FOXO3: variants seen among roughly 807,000 people sequenced by gnomAD.
FOXO3 encodes forkhead box O3, also known as forkhead box protein O3.
In FOXO3, 4 loss-of-function variants were observed where a neutral mutation model predicts 41.9. The ratio of observed to expected loss-of-function variants is 0.10; its 90% CI spans 0.05 to 0.22. FOXO3 has a LOEUF of 0.22. Among genes scored for constraint, FOXO3 ranks in the 10% least tolerant of loss-of-function variants. The pLI, the probability that FOXO3 is intolerant of heterozygous loss-of-function variation, is 1.00. For synonymous variants in FOXO3, 318 were observed against 389.3 expected (o/e 0.82, Z 2.16); for missense variants, 534 against 906.8 (o/e 0.59, Z 5.28).
intron 1 of FOXO3, among the ~76,000 whole-genome samples, chr6:108,576,208 T>C (rs756861328): frequency 6.6e-6 from 1 of 152,364 alleles, no homozygotes; most frequent in Middle Eastern, 3.4e-3. Context: ...AACTGAATTA[T>C]CTAAATCAGT....
chr6:108,621,076 C>T (rs1009330825), intron 1 of FOXO3, among the ~76,000 whole-genome samples: 4 of 152,144 alleles, frequency 2.6e-5, no homozygotes, highest in Non-Finnish European at 5.9e-5. Flanking sequence ...GATGGAAAAT[C>T]TATGTTCCTG....
chr6:108,577,135 A>G (rs1776284313), intron 1 of FOXO3, among the ~76,000 whole-genome samples: 1 of 152,066 alleles, frequency 6.6e-6, no homozygotes, highest in African/African-American at 2.4e-5. Flanking sequence ...TATGATTTCA[A>G]AGTTGAACCT....
chr6:108,611,950 T>C (rs2128369604), intron 1 of FOXO3, among the ~76,000 whole-genome samples: 1 of 152,334 alleles, frequency 6.6e-6, no homozygotes, highest in East Asian at 1.9e-4. Flanking sequence ...TTGAACTTCC[T>C]TGACACCTTC....
In FOXO3 at chr6:108,663,869, A is replaced by G. The variant is rs765427790; in HGVS notation, c.1036A>G (p.Met346Val). The change falls in exon 2 of 3, where the codon ATG becomes GTG. Residue 346 changes from methionine (M) to valine (V), a missense_variant. Met to Val is a conservative substitution (Grantham distance 21). Transcript: ENST00000406360. ...GGACGATGATGCGCCTCTCTCGCCC[A>G]TGCTCTACAGCAGCTCAGCCAGCCT... ...VQDDDAPLSPMLYSSSASLSP... is the reference protein window; with the variant it reads ...VQDDDAPLSPVLYSSSASLSP... 2 of 1,614,086 alleles carry G rather than the reference A, an allele frequency of 1.2e-6. No homozygotes were observed. The highest frequency in any genetic ancestry group is 1.3e-5 in the African/African-American group (1 of 75,058).
chr6:108,657,411 TA>T (rs1778718826), intron 1 of FOXO3, among the ~76,000 whole-genome samples: 1 of 152,220 alleles, frequency 6.6e-6, no homozygotes, highest in Non-Finnish European at 1.5e-5. Context: ...CTTTAGTGAG[TA>T]ACTGTGACAA....
At position 108,596,082 on chromosome 6, in the gene FOXO3, C is replaced by A. The variant is rs137949546; in HGVS notation, c.621+34253C>A. ...TGTTTCTTTATTTTGAGGAATGCCCCCAAAGCTTATAACCTGTCAGTGTGC... is the reference window on the plus strand; with the variant it reads ...TGTTTCTTTATTTTGAGGAATGCCCACAAAGCTTATAACCTGTCAGTGTGC... On this transcript the variant is annotated intron_variant, in intron 1 of 2. Transcript: ENST00000406360. Among the ~76,000 whole-genome samples, 65 of 152,152 alleles carry A rather than the reference C, an allele frequency of 4.3e-4. No individual in the cohort carries two copies. In the East Asian group the frequency reaches 8.7e-3, roughly 20 times the overall value.
intron 1 of FOXO3, among the ~76,000 whole-genome samples, chr6:108,643,785 G>A (rs1778323824): frequency 2.0e-5 from 3 of 152,174 alleles, no homozygotes; most frequent in African/African-American, 7.2e-5. Flanking sequence ...GAAAGTTCAA[G>A]AGGAGTGAAG....
chr6:108,619,574 C>T (rs192567675), intron 1 of FOXO3, among the ~76,000 whole-genome samples: 1 of 152,206 alleles, frequency 6.6e-6, no homozygotes. Flanking sequence ...AGTGTATTCT[C>T]AGATGTAAAG....
At chr6:108,678,492 ACT>A (rs1770708257) in intron 2 of FOXO3, among the ~76,000 whole-genome samples, 1 of 93,818 alleles carries the variant, frequency 1.1e-5, no homozygotes, top group Non-Finnish European at 2.5e-5. Context: ...CTATGAATAT[ACT>A]TTTTTTTTTT....
intron 1 of FOXO3, among the ~76,000 whole-genome samples, chr6:108,629,687 CAGG>C (rs368893987): frequency 2.6e-5 from 4 of 151,322 alleles, no homozygotes; most frequent in African/African-American, 9.7e-5. Context: ...TTTTTTCTGA[CAGG>C]AGATATTAAG....
chr6:108,619,360 C>T (rs1350701244), intron 1 of FOXO3, among the ~76,000 whole-genome samples: 1 of 152,260 alleles, frequency 6.6e-6, no homozygotes, highest in Non-Finnish European at 1.5e-5. Context: ...TGGCTCTTCT[C>T]ATTCTTTAGT....
chr6:108,651,507 A>G (rs1304508073), intron 1 of FOXO3, among the ~76,000 whole-genome samples: 1 of 152,256 alleles, frequency 6.6e-6, no homozygotes, highest in Middle Eastern at 3.2e-3. Context: ...TGCTCTTGAA[A>G]TAACAAGACA....
At chr6:108,645,697 T>G (rs1562256087) in intron 1 of FOXO3, among the ~76,000 whole-genome samples, 1 of 152,160 alleles carries the variant, frequency 6.6e-6, no homozygotes, top group Non-Finnish European at 1.5e-5. Flanking sequence ...ACTTTTAAAG[T>G]GCCTGATGAC....
intron 1 of FOXO3, among the ~76,000 whole-genome samples, chr6:108,659,409 G>A (rs80326875): frequency 0.025 from 3,875 of 152,264 alleles, 79 homozygotes; most frequent in Non-Finnish European, 0.039. Context: ...ATGAAAGGTT[G>A]TAGAAAAAGC....
At chr6:108,612,541 G>T (rs572937416) in intron 1 of FOXO3, among the ~76,000 whole-genome samples, 1 of 152,008 alleles carries the variant, frequency 6.6e-6, no homozygotes, top group Non-Finnish European at 1.5e-5. Flanking sequence ...TTAGCTGGGC[G>T]TGGTGGTGGG....
chr6:108,593,304 G>C (rs1225760413), intron 1 of FOXO3, among the ~76,000 whole-genome samples: 1 of 152,210 alleles, frequency 6.6e-6, no homozygotes, highest in Non-Finnish European at 1.5e-5. Context: ...GGTTGTGTCA[G>C]GTTAATTGGG....
intron 1 of FOXO3, among the ~76,000 whole-genome samples, chr6:108,569,647 C>T (rs1182445805): frequency 6.6e-6 from 1 of 152,178 alleles, no homozygotes; most frequent in East Asian, 1.9e-4. Flanking sequence ...AATTCCGCTA[C>T]TCCTGGGTCA....
intron 1 of FOXO3, among the ~76,000 whole-genome samples, chr6:108,592,856 G>A (rs372087649): frequency 2.6e-5 from 4 of 152,216 alleles, no homozygotes; most frequent in African/African-American, 4.8e-5. Context: ...GTTGGTGCAC[G>A]TGGTAATTGA....
At chr6:108,656,578 T>G in intron 1 of FOXO3, 3 of 920,286 alleles carry the variant, frequency 3.3e-6, no homozygotes, top group Non-Finnish European at 3.9e-6. Context: ...CCGTGTGGGA[T>G]CTAACAGTTG....
Sources: allele counts gnomAD v4.1 joint callset (sites outside exome capture counted in the v4.1 genomes callset), GRCh38; gene constraint gnomAD v4.1.1; transcripts MANE v1.5; gene names NCBI Gene and HGNC (gene_info 2026-07-23, HGNC 2026-07-21).